The following SHISA9 variants were observed in gnomAD, a reference collection of about 807,000 sequenced individuals.
The protein encoded by SHISA9 is protein shisa-9.
Under a neutral mutation model 38.0 loss-of-function variants are expected in SHISA9, and 13 were observed. The ratio of observed to expected loss-of-function variants is 0.34; its 90% CI spans 0.22 to 0.54. The LOEUF is 0.54. Ranked by LOEUF, SHISA9 falls within the 20% of genes least tolerant of loss-of-function variation. The pLI is 0.91. For missense variants in SHISA9, 538 were observed against 575.8 expected, an observed-to-expected ratio of 0.93 and a Z score of 0.67; for synonymous variants, 275 against 242.0, an observed-to-expected ratio of 1.14 and a Z score of -1.27.
chr16:13,194,317 G>A (rs757283614), intron 2 of SHISA9, among the ~76,000 whole-genome samples: 2 of 152,204 alleles, frequency 1.3e-5, no homozygotes, highest in Non-Finnish European at 2.9e-5. Context: ...ATTTCTGAAT[G>A]TTAGAGATTT....
At chr16:13,178,287 T>G (rs935159543) in intron 2 of SHISA9, among the ~76,000 whole-genome samples, 3 of 151,976 alleles carry the variant, frequency 2.0e-5, no homozygotes, top group African/African-American at 7.2e-5. Context: ...CTTGACATAT[T>G]TGTAGGGTGA....
chr16:13,101,713 A>T (rs559510504), intron 2 of SHISA9, among the ~76,000 whole-genome samples: 1 of 152,306 alleles, frequency 6.6e-6, no homozygotes, highest in East Asian at 1.9e-4. Flanking sequence ...ACTGTTTTCC[A>T]TAGTAGCTGT....
intron 1 of SHISA9, among the ~76,000 whole-genome samples, chr16:12,915,986 GTT>G (rs71147769): frequency 0.27 from 32,547 of 122,206 alleles, 5,053 homozygotes; most frequent in Middle Eastern, 0.38. Context: ...TGAACACTGA[GTT>G]TTTTTTTTGT....
At chr16:13,062,880 C>T (rs1333020849) in intron 2 of SHISA9, among the ~76,000 whole-genome samples, 3 of 152,174 alleles carry the variant, frequency 2.0e-5, no homozygotes, top group Non-Finnish European at 1.5e-5. Flanking sequence ...GCTCACCAGC[C>T]TCACCCTGGT....
intron 4 of SHISA9, among the ~76,000 whole-genome samples, chr16:13,216,376 G>A (rs1221194458): frequency 6.6e-6 from 1 of 152,108 alleles, no homozygotes; most frequent in African/African-American, 2.4e-5. Context: ...GTGAGATAAG[G>A]TGTTGAAAAC....
At chr16:12,960,088 T>A (rs994160143) in intron 2 of SHISA9, among the ~76,000 whole-genome samples, 1 of 152,226 alleles carries the variant, frequency 6.6e-6, no homozygotes, top group African/African-American at 2.4e-5. Flanking sequence ...CTTATGTGTT[T>A]ACTTGCGTGG....
chr16:13,298,634 G>C, the SHISA9 span, among the ~76,000 whole-genome samples: 1 of 152,198 alleles, frequency 6.6e-6, no homozygotes, highest in Non-Finnish European at 1.5e-5. Flanking sequence ...TCTAGGGCTT[G>C]AGCTTCTTCA....
the SHISA9 span, among the ~76,000 whole-genome samples, chr16:13,457,171 T>C: frequency 6.6e-6 from 1 of 152,182 alleles, no homozygotes; most frequent in East Asian, 1.9e-4. Context: ...CCAGGTGTGG[T>C]GGCACATGCC....
intron 2 of SHISA9, among the ~76,000 whole-genome samples, chr16:13,021,257 G>T (rs1383495136): frequency 6.6e-6 from 1 of 152,122 alleles, no homozygotes; most frequent in Admixed American, 6.5e-5. Context: ...ATGGCTCCTG[G>T]CATCTAGTGA....
At chr16:13,556,384 G>C in the SHISA9 span, among the ~76,000 whole-genome samples, 1 of 152,074 alleles carries the variant, frequency 6.6e-6, no homozygotes, top group Non-Finnish European at 1.5e-5. Context: ...GAATCATTCC[G>C]CTTTTCACTT....
chr16:13,356,085 C>A, the SHISA9 span, among the ~76,000 whole-genome samples: 3 of 152,094 alleles, frequency 2.0e-5, no homozygotes, highest in African/African-American at 4.8e-5. Flanking sequence ...GCGGTTCAGG[C>A]GTTTGGAAGT....
chr16:13,415,571 A>G, the SHISA9 span, among the ~76,000 whole-genome samples: 1 of 152,190 alleles, frequency 6.6e-6, no homozygotes, highest in Non-Finnish European at 1.5e-5. Context: ...ACCTGCACAC[A>G]TACTCCTGAA....
At chr16:13,425,821 T>G in the SHISA9 span, among the ~76,000 whole-genome samples, 2 of 152,244 alleles carry the variant, frequency 1.3e-5, no homozygotes, top group Non-Finnish European at 2.9e-5. Flanking sequence ...TGTTATTTGC[T>G]TGTTTGTTTC....
chr16:13,300,881 C>CT, the SHISA9 span, among the ~76,000 whole-genome samples: 2 of 135,072 alleles, frequency 1.5e-5, no homozygotes, highest in Non-Finnish European at 3.1e-5. Flanking sequence ...CTCTCCTCTC[C>CT]CCTTTCTTTG....
At chr16:13,272,128 G>A in the SHISA9 span, among the ~76,000 whole-genome samples, 1 of 151,366 alleles carries the variant, frequency 6.6e-6, no homozygotes, top group Non-Finnish European at 1.5e-5. Flanking sequence ...GATTTATGAC[G>A]GTGGTTGCAT....
the SHISA9 span, among the ~76,000 whole-genome samples, chr16:13,265,052 T>G: frequency 1.6e-5 from 1 of 62,516 alleles, no homozygotes; most frequent in Admixed American, 2.2e-4. Context: ...CATCCCTCCC[T>G]TCCACCCCCT....
chr16:13,543,018 C>G, the SHISA9 span, among the ~76,000 whole-genome samples: 1 of 152,306 alleles, frequency 6.6e-6, no homozygotes, highest in African/African-American at 2.4e-5. Flanking sequence ...TTGCCATTTT[C>G]ACTGCAGCAT....
intron 2 of SHISA9, among the ~76,000 whole-genome samples, chr16:13,102,752 C>T (rs761352937): frequency 3.9e-5 from 6 of 152,302 alleles, no homozygotes; most frequent in Non-Finnish European, 8.8e-5. Flanking sequence ...AATTCACTCT[C>T]CATGACTTGT....
the SHISA9 span, among the ~76,000 whole-genome samples, chr16:13,502,213 C>G: frequency 7.3e-6 from 1 of 136,500 alleles, no homozygotes; most frequent in African/African-American, 2.5e-5. Context: ...CAAAATAAAC[C>G]AAAGCAAGCA....
Sources: gnomAD v4.1 joint callset for allele counts (sites outside exome capture counted in the v4.1 genomes callset) on GRCh38, gnomAD v4.1.1 for gene constraint, MANE v1.5 for transcripts, NCBI Gene and HGNC (gene_info 2026-07-23, HGNC 2026-07-21) for gene names.